The following WWOX variants were observed in gnomAD, a reference collection of about 807,000 sequenced individuals.
The protein encoded by WWOX is WW domain containing oxidoreductase, also known as WW domain-containing oxidoreductase.
A neutral mutation model predicts 46.2 loss-of-function variants in WWOX; 69 were observed. The ratio of observed to expected loss-of-function variants is 1.49; its 90% confidence interval spans 1.23 to 1.82. The LOEUF is 1.82. Among genes scored for constraint, WWOX ranks in the 40% most tolerant of loss-of-function variants. The probability of loss-of-function intolerance (pLI) is 0.00; values close to 1 mark genes in which losing one functional copy is unlikely to be tolerated. For missense variants in WWOX, 919 were observed against 542.6 expected (o/e 1.69, Z -6.89); for synonymous variants, 359 against 202.6 (o/e 1.77, Z -6.56).
At chr16:78,907,193 G>A (rs2044987668) in intron 8 of WWOX, among the ~76,000 whole-genome samples, 1 of 152,118 alleles carries the variant, frequency 6.6e-6, no homozygotes, top group South Asian at 2.1e-4. Context: ...GCAATCATAG[G>A]GGTGTGTAAA....
intron 8 of WWOX, among the ~76,000 whole-genome samples, chr16:78,911,920 G>C (rs766186028): frequency 6.6e-6 from 1 of 152,118 alleles, no homozygotes; most frequent in African/African-American, 2.4e-5. Flanking sequence ...AGCTTAGTGT[G>C]TGCAAGACTC....
At chr16:78,160,136 T>C (rs1432478372) in intron 4 of WWOX, among the ~76,000 whole-genome samples, 3 of 152,190 alleles carry the variant, frequency 2.0e-5, no homozygotes, top group East Asian at 1.9e-4. Flanking sequence ...ATTTTCCTAA[T>C]GTAATGGATG....
At chr16:78,941,863 C>A (rs1168912586) in intron 8 of WWOX, among the ~76,000 whole-genome samples, 2 of 152,076 alleles carry the variant, frequency 1.3e-5, no homozygotes, top group East Asian at 3.9e-4. Context: ...CATGGTGGTT[C>A]TTTTTGCCCA....
rs1280912633 is a variant in WWOX, at chr16:78,590,168, A to C, written c.1056+157416A>C. 1.8e-4 allele frequency among the ~76,000 whole-genome samples: 6 copies of C among 33,614 alleles called. No homozygotes were observed. In the South Asian group the frequency reaches 4.9e-3, roughly 28 times the overall value. The allele number at this position is 33,614 out of a possible 152,430, so 22.1% of individuals were successfully genotyped here. A position where few individuals can be genotyped will look rare whatever the true frequency, so the allele number is the denominator to read the frequency against. Reference sequence around the variant, plus strand: ...TCAGTCTCTCTCTCTCTCTCTGTTTATTATAGATAGAAATAAAAAAATTAT... The same window carrying C: ...TCAGTCTCTCTCTCTCTCTCTGTTTCTTATAGATAGAAATAAAAAAATTAT... On this transcript the variant is annotated intron_variant, in intron 8 of 8. Transcript: ENST00000566780.
intron 5 of WWOX, among the ~76,000 whole-genome samples, chr16:78,216,355 CA>C (rs1275635822): frequency 8.5e-5 from 13 of 152,140 alleles, no homozygotes; most frequent in Non-Finnish European, 1.6e-4. Flanking sequence ...CCATTGTTTC[CA>C]AGTGTATTAG....
chr16:78,564,280 T>C (rs890842003), intron 8 of WWOX, among the ~76,000 whole-genome samples: 2 of 152,228 alleles, frequency 1.3e-5, no homozygotes, highest in African/African-American at 4.8e-5. Flanking sequence ...CTTCGGGAGC[T>C]GTTGTAAAGA....
At chr16:78,744,412 G>C (rs1000141773) in intron 8 of WWOX, among the ~76,000 whole-genome samples, 2 of 146,266 alleles carry the variant, frequency 1.4e-5, no homozygotes, top group South Asian at 4.3e-4. Flanking sequence ...AGGGCCCATG[G>C]TCCACACTGC....
chr16:78,812,564 A>T (rs1032402580), intron 8 of WWOX, among the ~76,000 whole-genome samples: 6 of 151,424 alleles, frequency 4.0e-5, no homozygotes, highest in Non-Finnish European at 8.8e-5. Context: ...TCTACTAAAA[A>T]TAAAAAAAAA....
chr16:78,253,035 T>C (rs1458919556), intron 5 of WWOX, among the ~76,000 whole-genome samples: 1 of 152,128 alleles, frequency 6.6e-6, no homozygotes, highest in Non-Finnish European at 1.5e-5. Context: ...TGTGGGACCA[T>C]ACCCTCTGTT....
chr16:78,408,226 C>G (rs1032025834), intron 6 of WWOX, among the ~76,000 whole-genome samples: 1 of 152,172 alleles, frequency 6.6e-6, no homozygotes, highest in Non-Finnish European at 1.5e-5. Context: ...CACCTTTCAC[C>G]TATTTTACAT....
intron 8 of WWOX, among the ~76,000 whole-genome samples, chr16:78,984,119 C>A (rs1315960201): frequency 6.6e-6 from 1 of 152,076 alleles, no homozygotes; most frequent in African/African-American, 2.4e-5. Flanking sequence ...ACCTCGTGAT[C>A]TGCCCGCCTT....
chr16:78,370,218 C>G (rs9934682), intron 5 of WWOX, among the ~76,000 whole-genome samples: 119,974 of 150,940 alleles, frequency 0.79, 48,769 homozygotes, highest in African/African-American at 0.85. Context: ...ATTGTAAACT[C>G]TCTTTACAAT....
In WWOX at chr16:79,190,815, G is replaced by A. The variant is rs183920493; in HGVS notation, c.1057-20793G>A. Among the ~76,000 whole-genome samples, 19 of 152,290 alleles carry A rather than the reference G, an allele frequency of 1.2e-4. 1 individual carries two copies. Among genetic ancestry groups the A allele is most frequent in the Middle Eastern group, 3.4e-3 (1 of 294 alleles). On this transcript the variant is annotated intron_variant, in intron 8 of 8. Coordinates refer to ENST00000566780, the MANE Select transcript of WWOX (RefSeq NM_016373.4). ...TTTTGCACTACAGTAGCAAAGTTGA[G>A]TACTTATAAATGTAGAGCCTGCAAA...
intron 8 of WWOX, among the ~76,000 whole-genome samples, chr16:79,178,415 C>A (rs999450566): frequency 6.6e-6 from 1 of 152,084 alleles, no homozygotes; most frequent in African/African-American, 2.4e-5. Context: ...CTCCTGGGAT[C>A]AAGCAGTCTT....
At chr16:79,163,523 G>A (rs183787093) in intron 8 of WWOX, among the ~76,000 whole-genome samples, 11 of 152,182 alleles carry the variant, frequency 7.2e-5, no homozygotes, top group African/African-American at 2.7e-4. Flanking sequence ...GAAAGGCCGG[G>A]CATGGTGGCT....
At chr16:78,412,197 G>A (rs1245459256) in intron 6 of WWOX, among the ~76,000 whole-genome samples, 2 of 152,172 alleles carry the variant, frequency 1.3e-5, no homozygotes, top group Middle Eastern at 3.2e-3. Flanking sequence ...GGAGAAGATG[G>A]GATAGCACAT....
intron 8 of WWOX, among the ~76,000 whole-genome samples, chr16:78,442,049 A>G (rs1386935871): frequency 6.6e-6 from 1 of 150,992 alleles, no homozygotes; most frequent in Non-Finnish European, 1.5e-5. Context: ...AGCTGGGAGG[A>G]TGACTTGAGC....
rs536615289 is a variant in WWOX at position 78,865,659 on chromosome 16, C to A, written c.1057-345949C>A. On this transcript the variant is annotated intron_variant, in intron 8 of 8. Transcript: ENST00000566780. ...CTTTGGGAGGCTGAGGTGGGTGGATCACCTGAGGTCAGGAGTTCGACACCA... is the reference window on the plus strand; with the variant it reads ...CTTTGGGAGGCTGAGGTGGGTGGATAACCTGAGGTCAGGAGTTCGACACCA... Among the ~76,000 whole-genome samples, 217 of 152,260 alleles carry A rather than the reference C, an allele frequency of 1.4e-3. 2 individuals are homozygous for A. The highest frequency in any genetic ancestry group is 1.1e-3 in the Non-Finnish European group (73 of 68,014).
intron 8 of WWOX, among the ~76,000 whole-genome samples, chr16:78,590,454 C>G (rs1398422195): frequency 1.3e-5 from 2 of 152,186 alleles, no homozygotes; most frequent in Admixed American, 6.5e-5. Flanking sequence ...ATTATTTGAG[C>G]TGCTCACTGA....
Sources: gnomAD v4.1 joint callset for allele counts (sites outside exome capture counted in the v4.1 genomes callset) on GRCh38, gnomAD v4.1.1 for gene constraint, MANE v1.5 for transcripts, NCBI Gene and HGNC (gene_info 2026-07-23, HGNC 2026-07-21) for gene names.